CNKSR3: variants seen among roughly 807,000 people sequenced by gnomAD.
The protein encoded by CNKSR3 is CNKSR family member 3, also known as connector enhancer of kinase suppressor of ras 3.
Under a neutral mutation model 67.7 loss-of-function variants are expected in CNKSR3, and 36 were observed. That is an observed-to-expected ratio of 0.53 (90% confidence interval 0.41 to 0.70). CNKSR3 has a LOEUF of 0.70. Ranked by LOEUF, CNKSR3 falls within the 30% of genes least tolerant of loss-of-function variation. CNKSR3 has a pLI of 0.00. For missense variants in CNKSR3, 630 were observed against 695.2 expected, an observed-to-expected ratio of 0.91 and a Z score of 1.05; for synonymous variants, 281 against 271.4, an observed-to-expected ratio of 1.04 and a Z score of -0.35.
At position 154,406,377 on chromosome 6, in the gene CNKSR3, G is replaced by C; in HGVS notation, c.1645C>G (p.Arg549Gly). Residue 549 changes from arginine (R) to glycine (G), a missense_variant, in exon 13 of 13, where the codon CGC becomes GGC. Physicochemically the swap from Arg to Gly is moderately radical, Grantham distance 125. Transcript: ENST00000607772. ...TCTCAGTGAGTCAACAGTTTGAGGCGCGTAAACCAGCTGACCAGGAGGGAC... is the reference window on the plus strand; with the variant it reads ...TCTCAGTGAGTCAACAGTTTGAGGCCCGTAAACCAGCTGACCAGGAGGGAC... Reference protein sequence around the residue: ...EPSLLVSWFTRLKLLTH With the variant: ...EPSLLVSWFTGLKLLTH 1 of 1,613,358 alleles carries C rather than the reference G, an allele frequency of 6.2e-7. No homozygotes were observed.
At chr6:154,416,032 A>G (rs1167079109) in intron 9 of CNKSR3, among the ~76,000 whole-genome samples, 2 of 152,188 alleles carry the variant, frequency 1.3e-5, no homozygotes, top group Non-Finnish European at 2.9e-5. Flanking sequence ...AATAATCCCA[A>G]CACTTTGGGA....
At position 154,510,053 on chromosome 6, in the gene CNKSR3, G is replaced by T. The variant is rs1242586209; in HGVS notation, c.52+10C>A. ...CTGGAGGACTCCGGACCCCCCCAAG[G>T]CCCGCGCACCTCTAGTCCAGTCCAC... On this transcript the variant is annotated intron_variant, in intron 1 of 12. Transcript: ENST00000607772. 1 of 1,613,902 alleles carries T rather than the reference G, an allele frequency of 6.2e-7. No individual in the cohort carries two copies. Among genetic ancestry groups the T allele is most frequent in the Non-Finnish European group, 8.5e-7 (1 of 1,179,898 alleles).
At chr6:154,475,534 C>T (rs888259551) in intron 1 of CNKSR3, among the ~76,000 whole-genome samples, 4 of 152,206 alleles carry the variant, frequency 2.6e-5, no homozygotes, top group Admixed American at 6.5e-5. Flanking sequence ...TTCTGGCCAC[C>T]TTATGCCACC....
chr6:154,462,919 C>T (rs1315047923), intron 1 of CNKSR3, among the ~76,000 whole-genome samples: 2 of 152,152 alleles, frequency 1.3e-5, no homozygotes, highest in East Asian at 3.8e-4. Context: ...CTGCACTGCC[C>T]AGCACAGAGG....
intron 12 of CNKSR3, among the ~76,000 whole-genome samples, chr6:154,409,004 G>A (rs573914733): frequency 3.3e-5 from 5 of 152,294 alleles, no homozygotes; most frequent in South Asian, 4.1e-4. Context: ...AGATGTTAAC[G>A]TGTCTAAATC....
intron 10 of CNKSR3, among the ~76,000 whole-genome samples, chr6:154,412,333 G>A (rs185817665): frequency 6.6e-6 from 1 of 152,252 alleles, no homozygotes; most frequent in Non-Finnish European, 1.5e-5. Context: ...CTTCATGAGT[G>A]GTGTGTGTGC....
At chr6:154,476,185 G>A (rs572309627) in intron 1 of CNKSR3, among the ~76,000 whole-genome samples, 9 of 152,150 alleles carry the variant, frequency 5.9e-5, no homozygotes, top group Non-Finnish European at 7.4e-5. Context: ...GGCCGGGCGC[G>A]GTGGCTCACA....
At position 154,510,481 on chromosome 6, in the gene CNKSR3, T is replaced by G; in HGVS notation, c.-367A>C. On this transcript the variant is annotated 5_prime_UTR_variant, in exon 1 of 13. Coordinates refer to ENST00000607772, the MANE Select transcript of CNKSR3 (RefSeq NM_173515.4). ...GCCCGCGACCACTTCCTCGGATCTC[T>G]CGAGGCGCGATCGGCTCTCCCTCGG... The G allele has an allele frequency of 7.0e-6, 2 of 286,862 alleles. No homozygotes were observed. The highest frequency in any genetic ancestry group is 1.0e-4 in the East Asian group (1 of 9,916). The allele number at this position is 286,862 out of a possible 1,614,324, so 17.8% of individuals were successfully genotyped here.
At chr6:154,504,989 G>A (rs1001999381) in intron 1 of CNKSR3, among the ~76,000 whole-genome samples, 1 of 151,664 alleles carries the variant, frequency 6.6e-6, no homozygotes, top group South Asian at 2.1e-4. Context: ...AGAGTGAATG[G>A]AACCAAGGAG....
At chr6:154,436,372 A>G (rs1785472863) in intron 4 of CNKSR3, among the ~76,000 whole-genome samples, 1 of 151,872 alleles carries the variant, frequency 6.6e-6, no homozygotes, top group African/African-American at 2.4e-5. Flanking sequence ...TAGAGGTCTC[A>G]CTATATTGCC....
intron 9 of CNKSR3, among the ~76,000 whole-genome samples, chr6:154,420,519 C>T (rs1334773928): frequency 6.6e-6 from 1 of 151,390 alleles, no homozygotes. Flanking sequence ...GAAACCCCGT[C>T]TCTACTAAAA....
chr6:154,440,945 C>G (rs1391704381), intron 4 of CNKSR3, among the ~76,000 whole-genome samples: 1 of 151,390 alleles, frequency 6.6e-6, no homozygotes, highest in East Asian at 1.9e-4. Context: ...GTAAAGTACT[C>G]AGAACAAAGA....
intron 1 of CNKSR3, among the ~76,000 whole-genome samples, chr6:154,501,487 G>A (rs924057908): frequency 2.0e-5 from 3 of 151,796 alleles, no homozygotes; most frequent in Non-Finnish European, 2.9e-5. Flanking sequence ...CCCCACCCTC[G>A]CTCTCATGAC....
In CNKSR3 at chr6:154,419,664, G is replaced by A. The variant is rs556194125; in HGVS notation, c.945+2842C>T. Among the ~76,000 whole-genome samples, 16 of 152,246 alleles carry A rather than the reference G, an allele frequency of 1.1e-4. No individual in the cohort carries two copies. In the East Asian group the frequency reaches 3.1e-3, roughly 29 times the overall value. ...AAGGAAATGAGATCAGTATGCTGAG[G>A]AGATATCTGCACCCTCATGTTCACT... On this transcript the variant is annotated intron_variant, in intron 9 of 12. Transcript: ENST00000607772.
chr6:154,504,107 T>C (rs904906945), intron 1 of CNKSR3, among the ~76,000 whole-genome samples: 3 of 152,204 alleles, frequency 2.0e-5, no homozygotes, highest in African/African-American at 7.2e-5. Flanking sequence ...GGGCCAACAG[T>C]TGACAGCAAA....
Position 154,408,312 on chromosome 6 carries a change from C to T in CNKSR3, c.1370-1660G>A, listed in dbSNP as rs144916391. Among the ~76,000 whole-genome samples, 598 of 152,292 alleles carry T rather than the reference C, an allele frequency of 3.9e-3. 6 individuals carry two copies. The highest frequency in any genetic ancestry group is 0.023 in the South Asian group (111 of 4,828). On this transcript the variant is annotated intron_variant, in intron 12 of 12. Coordinates refer to ENST00000607772, the MANE Select transcript of CNKSR3 (RefSeq NM_173515.4). ...TGCTGGGATTACAGGTGTGAGCCACCGCACCTGGCCAACTTCTCCCATTTT... is the reference window on the plus strand; with the variant it reads ...TGCTGGGATTACAGGTGTGAGCCACTGCACCTGGCCAACTTCTCCCATTTT...
chr6:154,411,172 T>C (rs774284890), intron 10 of CNKSR3, 30 bp from the exon 11 acceptor site: 2 of 1,512,698 alleles, frequency 1.3e-6, no homozygotes, highest in South Asian at 2.3e-5. Flanking sequence ...ATAATTAAGT[T>C]GTTTACAAAG....
At chr6:154,469,439 C>G (rs563392734) in intron 1 of CNKSR3, among the ~76,000 whole-genome samples, 33 of 152,274 alleles carry the variant, frequency 2.2e-4, no homozygotes, top group African/African-American at 6.7e-4. Flanking sequence ...TTTGTCCAGC[C>G]AGTTGGAGCT....
intron 2 of CNKSR3, among the ~76,000 whole-genome samples, chr6:154,446,960 A>G (rs925322656): frequency 6.6e-6 from 1 of 152,056 alleles, no homozygotes; most frequent in South Asian, 2.1e-4. Flanking sequence ...ACCCGCTACC[A>G]CACCCAGCTA....
Sources: gnomAD v4.1 joint callset for allele counts (sites outside exome capture counted in the v4.1 genomes callset) on GRCh38, gnomAD v4.1.1 for gene constraint, MANE v1.5 for transcripts, NCBI Gene and HGNC (gene_info 2026-07-23, HGNC 2026-07-21) for gene names.